PI4KB: variants seen among roughly 807,000 people sequenced by gnomAD.
The protein encoded by PI4KB is PtdIns 4-kinase beta.
PI4KB carries 23 observed loss-of-function variants against 81.4 expected under a neutral mutation model. The observed-to-expected ratio is 0.28, with a 90% CI of 0.20 to 0.40. The LOEUF (loss-of-function observed/expected upper bound fraction) is 0.40, where lower values mean the gene tolerates loss of function less well. Ranked by LOEUF, PI4KB falls within the 10% of genes least tolerant of loss-of-function variation. The probability of loss-of-function intolerance (pLI) is 1.00; values close to 1 mark genes in which losing one functional copy is unlikely to be tolerated. For missense variants in PI4KB, 651 were observed against 1,036.6 expected (o/e 0.63, Z 5.11); for synonymous variants, 381 against 406.8 (o/e 0.94, Z 0.76).
At chr1:151,296,670 G>A (rs990140138) in intron 9 of PI4KB, among the ~76,000 whole-genome samples, 9 of 151,740 alleles carry the variant, frequency 5.9e-5, no homozygotes, top group East Asian at 5.8e-4. Context: ...GGGTTTCACC[G>A]TGTTGGTCAT....
chr1:151,313,311 G>C (rs1256498634), intron 2 of PI4KB, among the ~76,000 whole-genome samples: 1 of 152,088 alleles, frequency 6.6e-6, no homozygotes, highest in Non-Finnish European at 1.5e-5. Context: ...GAGTCAGGTT[G>C]GAAGAACGGC....
chr1:151,307,238 G>A (rs899863284), intron 4 of PI4KB, among the ~76,000 whole-genome samples: 3 of 152,160 alleles, frequency 2.0e-5, no homozygotes, highest in Non-Finnish European at 2.9e-5. Flanking sequence ...TATGGTTGCT[G>A]TATCTGGAAA....
At chr1:151,306,034 T>G in intron 5 of PI4KB, 102 bp downstream of exon 5, 1 of 894,074 alleles carries the variant, frequency 1.1e-6, no homozygotes, top group Non-Finnish European at 1.8e-6. Flanking sequence ...TTAGGATACT[T>G]GCCTTACCCT....
rs1649573951 is a variant in PI4KB at position 151,326,115 on chromosome 1, T to G, written c.-29+1156A>C. The G allele has an allele frequency of 5.9e-6, 9 of 1,522,906 alleles. No homozygotes were observed. The Admixed American group carries it at 1.3e-4, about 23-fold the overall frequency. The allele number at this position is 1,522,906 out of a possible 1,614,324, so 94.3% of individuals were successfully genotyped here. A position where few individuals can be genotyped will look rare whatever the true frequency, so the allele number is the denominator to read the frequency against. On this transcript the variant is annotated intron_variant, in intron 1 of 11. Transcript: ENST00000368873. ...GGACAGGGGTGAGAAGGCACTCTAT[T>G]CTGTGATTCCTTTAACAAAAGCCTA...
Position 151,309,089 on chromosome 1 carries a change from T to G in PI4KB, c.954+1122A>C, listed in dbSNP as rs1696008541. Among the ~76,000 whole-genome samples the G allele has an allele frequency of 2.0e-5, 3 of 152,108 alleles. No individual in the cohort carries two copies. The South Asian group carries it at 6.2e-4, about 32-fold the overall frequency. On this transcript the variant is annotated intron_variant, in intron 3 of 11. Coordinates refer to ENST00000368873, the MANE Select transcript of PI4KB (RefSeq NM_001369623.2). ...TCAGGAATGCTTTAAGTGACATTGT[T>G]GAAAAGAGATAAAGAAAAGGAAAAC... is the stretch of plus-strand genomic sequence containing the variant.
At chr1:151,306,078 TGAAAGCTCCTGGA>T (rs1695731753) in intron 5 of PI4KB, 45 bp downstream of exon 5, 1 of 1,388,598 alleles carries the variant, frequency 7.2e-7, no homozygotes, top group Non-Finnish European at 1.0e-6. Flanking sequence ...TCCAATATAG[TGAAAGCTCCTGGA>T]GAAAGCTCCT....
intron 1 of PI4KB, among the ~76,000 whole-genome samples, chr1:151,319,662 A>C (rs1195596599): frequency 6.6e-6 from 1 of 152,228 alleles, no homozygotes; most frequent in African/African-American, 2.4e-5. Flanking sequence ...ACTGCTCTCC[A>C]AGAACAATCC....
intron 1 of PI4KB, among the ~76,000 whole-genome samples, chr1:151,317,495 T>C (rs1218853159): frequency 1.3e-5 from 2 of 151,892 alleles, no homozygotes; most frequent in African/African-American, 4.8e-5. Context: ...TTTTTAAATT[T>C]TTCTGTAGAG....
Position 151,295,723 on chromosome 1 carries a change from C to T in PI4KB, c.2016-1182G>A, listed in dbSNP as rs587772282. 1.1e-4 allele frequency among the ~76,000 whole-genome samples: 17 copies of T among 152,282 alleles called. No homozygotes were observed. The South Asian group carries it at 1.7e-3, about 15-fold the overall frequency. Reference sequence around the variant, plus strand: ...CTATTCTTTTTTGAGGTACTATGAACGGCTTATCAGCTACCTGCCCTCCTC... The same window carrying T: ...CTATTCTTTTTTGAGGTACTATGAATGGCTTATCAGCTACCTGCCCTCCTC... On this transcript the variant is annotated intron_variant, in intron 9 of 11. Transcript: ENST00000368873.
At chr1:151,308,175 T>G (rs186960337) in intron 3 of PI4KB, among the ~76,000 whole-genome samples, 1 of 152,264 alleles carries the variant, frequency 6.6e-6, no homozygotes, top group East Asian at 1.9e-4. Context: ...ACACCTGAAT[T>G]GTTTCACCCT....
upstream of PI4KB, chr1:151,327,475 G>A (rs1649833334): frequency 5.0e-6 from 2 of 396,942 alleles, no homozygotes; most frequent in Non-Finnish European, 8.9e-6. Context: ...GTTCGACCGG[G>A]CCACACAACC....
intron 3 of PI4KB, among the ~76,000 whole-genome samples, chr1:151,309,510 G>T (rs587618887): frequency 2.0e-5 from 3 of 152,274 alleles, no homozygotes; most frequent in Non-Finnish European, 4.4e-5. Flanking sequence ...AACTCCCAGA[G>T]GTCCTGCATT....
intron 1 of PI4KB, among the ~76,000 whole-genome samples, chr1:151,325,293 G>A (rs1042993831): frequency 1.3e-5 from 2 of 151,942 alleles, no homozygotes; most frequent in African/African-American, 4.8e-5. Context: ...GCGCCTGGCA[G>A]GAAAGCTTCT....
chr1:151,308,512 T>C (rs913882161), intron 3 of PI4KB, among the ~76,000 whole-genome samples: 2 of 152,192 alleles, frequency 1.3e-5, no homozygotes, highest in African/African-American at 4.8e-5. Context: ...CTTTTAGCCC[T>C]TGATGATGGC....
At chr1:151,309,185 T>A (rs1696013866) in intron 3 of PI4KB, among the ~76,000 whole-genome samples, 1 of 152,136 alleles carries the variant, frequency 6.6e-6, no homozygotes, top group Non-Finnish European at 1.5e-5. Context: ...TAAGAGGAAA[T>A]TTGAAGACTC....
intron 6 of PI4KB, chr1:151,303,295 G>A (rs1468928830): frequency 2.6e-5 from 11 of 418,284 alleles, no homozygotes; most frequent in Admixed American, 1.7e-4. Context: ...CACTATGCCC[G>A]GCCCCTCTGG....
chr1:151,303,393 A>C (rs886539483), intron 6 of PI4KB, 148 bp downstream of exon 6: 6 of 682,598 alleles, frequency 8.8e-6, no homozygotes, highest in Non-Finnish European at 1.6e-5. Flanking sequence ...TCATTGCCTC[A>C]AGTTTGGTGG....
At position 151,316,365 on chromosome 1, in the gene PI4KB, T is replaced by C; in HGVS notation, c.117A>G (p.Glu39=). The C allele has an allele frequency of 2.5e-6, 4 of 1,610,614 alleles. No homozygotes were observed. Among genetic ancestry groups the C allele is most frequent in the Non-Finnish European group, 3.4e-6 (4 of 1,178,220 alleles). The change falls in exon 2 of 12, where the codon GAA becomes GAG. Residue 39 remains glutamate (E), a synonymous_variant. Coordinates refer to ENST00000368873, the MANE Select transcript of PI4KB (RefSeq NM_001369623.2). Reference sequence around the variant, plus strand: ...CCACCTCAGGGTCAATCACTGATAGTTCCCCGACCCCCTCCGTGATGACAC... The same window carrying C: ...CCACCTCAGGGTCAATCACTGATAGCTCCCCGACCCCCTCCGTGATGACAC... ...LLSVITEGVG[E]LSVIDPEVAQ...
At chr1:151,319,501 C>A (rs559819781) in intron 1 of PI4KB, among the ~76,000 whole-genome samples, 2 of 152,256 alleles carry the variant, frequency 1.3e-5, no homozygotes, top group African/African-American at 4.8e-5. Flanking sequence ...ACTGGAGGGA[C>A]AATTGAAAAG....
Sources: allele counts gnomAD v4.1 joint callset (sites outside exome capture counted in the v4.1 genomes callset), GRCh38; gene constraint gnomAD v4.1.1; transcripts MANE v1.5; gene names NCBI Gene and HGNC (gene_info 2026-07-23, HGNC 2026-07-21).